The following DLG2 variants were observed in gnomAD, a reference collection of about 807,000 sequenced individuals.
The protein encoded by DLG2 is disks large homolog 2.
In DLG2, 45 loss-of-function variants were observed where a neutral mutation model predicts 132.5. That is an observed-to-expected ratio of 0.34 (90% CI 0.27 to 0.44). The LOEUF (loss-of-function observed/expected upper bound fraction) is 0.44, where lower values mean the gene tolerates loss of function less well. DLG2 is among the 20% of genes least tolerant of loss of function. DLG2 has a pLI of 1.00. For synonymous variants in DLG2, 424 were observed against 419.6 expected (o/e 1.01, Z -0.13); for missense variants, 1,045 against 1,196.9 (o/e 0.87, Z 1.87).
intron 7 of DLG2, among the ~76,000 whole-genome samples, chr11:84,277,533 A>T (rs973182709): frequency 6.6e-6 from 1 of 152,204 alleles, no homozygotes; most frequent in African/African-American, 2.4e-5. Context: ...AATGAACATA[A>T]ACTACAATAT....
At chr11:84,502,402 CTT>C (rs1274064364) in intron 7 of DLG2, among the ~76,000 whole-genome samples, 163 of 96,642 alleles carry the variant, frequency 1.7e-3, no homozygotes, top group South Asian at 5.0e-3. Context: ...TTCTTTCTTT[CTT>C]TCTTTCTTTC....
At chr11:84,299,073 A>C (rs1470205946) in intron 7 of DLG2, among the ~76,000 whole-genome samples, 1 of 152,244 alleles carries the variant, frequency 6.6e-6, no homozygotes, top group African/African-American at 2.4e-5. Flanking sequence ...CACATATTTT[A>C]CCAGTCTCTT....
intron 4 of DLG2, among the ~76,000 whole-genome samples, chr11:85,174,925 T>G (rs1206228393): frequency 1.3e-5 from 2 of 151,774 alleles, no homozygotes; most frequent in Non-Finnish European, 2.9e-5. Flanking sequence ...GGGCAAAAAT[T>G]AAAGCCCTGA....
chr11:84,401,479 G>A (rs1051687508), intron 7 of DLG2, among the ~76,000 whole-genome samples: 1 of 151,966 alleles, frequency 6.6e-6, no homozygotes, highest in Non-Finnish European at 1.5e-5. Flanking sequence ...TGCCTAACGT[G>A]GTAGGCACTC....
chr11:85,540,663 G>A (rs562994903), intron 3 of DLG2, among the ~76,000 whole-genome samples: 11 of 152,202 alleles, frequency 7.2e-5, no homozygotes, highest in African/African-American at 1.4e-4. Flanking sequence ...CTAATTGGGC[G>A]GATTAACACA....
At chr11:83,535,049 C>G (rs1007317493) in intron 20 of DLG2, among the ~76,000 whole-genome samples, 1 of 152,192 alleles carries the variant, frequency 6.6e-6, no homozygotes, top group African/African-American at 2.4e-5. Flanking sequence ...GAAAGCAAGA[C>G]AGATTTCAGA....
At position 83,855,834 on chromosome 11, in the gene DLG2, C is replaced by CA. The variant is rs993593291; in HGVS notation, c.1565+18585dup. Among the ~76,000 whole-genome samples the CA allele has an allele frequency of 1.6e-3, 228 of 142,384 alleles. 1 individual carries two copies. The highest frequency in any genetic ancestry group is 4.4e-3 in the African/African-American group (172 of 38,790). 93.4% of individuals were successfully genotyped at this position (142,384 alleles called of 152,430 possible). A position where few individuals can be genotyped will look rare whatever the true frequency, so the allele number is the denominator to read the frequency against. ...CACCTGGGTGACAGAGACTCTGTCT[C>CA]AAAAAAAAAAAATTTTCAGGGATAC... On this transcript the variant is annotated intron_variant, in intron 16 of 27. Coordinates refer to ENST00000376104, the MANE Select transcript of DLG2 (RefSeq NM_001142699.3).
intron 9 of DLG2, among the ~76,000 whole-genome samples, chr11:84,151,457 G>T (rs1224910273): frequency 6.6e-6 from 1 of 151,832 alleles, no homozygotes; most frequent in Non-Finnish European, 1.5e-5. Context: ...TCTTATTCTG[G>T]CTAGTGGTCT....
chr11:85,233,155 T>C (rs965657163), intron 4 of DLG2, among the ~76,000 whole-genome samples: 3 of 151,968 alleles, frequency 2.0e-5, no homozygotes, highest in Non-Finnish European at 4.4e-5. Context: ...CCTTTTGTTC[T>C]GACATATGGG....
intron 6 of DLG2, among the ~76,000 whole-genome samples, chr11:84,627,954 C>T (rs980259853): frequency 3.3e-5 from 5 of 152,002 alleles, no homozygotes; most frequent in African/African-American, 1.2e-4. Flanking sequence ...GCCCCACCTC[C>T]AACATAGGGG....
intron 11 of DLG2, among the ~76,000 whole-genome samples, chr11:84,013,756 A>C (rs2095018982): frequency 6.6e-6 from 1 of 151,018 alleles, no homozygotes; most frequent in African/African-American, 2.4e-5. Flanking sequence ...AATTCCAGCT[A>C]CTTGGGAGGC....
chr11:84,886,527 G>T (rs1396760744), intron 6 of DLG2, among the ~76,000 whole-genome samples: 1 of 152,100 alleles, frequency 6.6e-6, no homozygotes, highest in Admixed American at 6.6e-5. Flanking sequence ...TGGCACCACT[G>T]TCAGGTTTGA....
At chr11:83,718,532 G>GAAAAAAAAAAAAAAAAAAAAAAA (rs57237354) in intron 18 of DLG2, among the ~76,000 whole-genome samples, 4 of 106,286 alleles carry the variant, frequency 3.8e-5, no homozygotes, top group East Asian at 2.9e-4. Context: ...CTCAAAAAAA[G>GAAAAAAAAAAAAAAAAAAAAAAA]AAAAAAAAAA....
intron 7 of DLG2, among the ~76,000 whole-genome samples, chr11:84,485,324 A>G (rs1211193267): frequency 6.6e-6 from 1 of 152,222 alleles, no homozygotes; most frequent in Non-Finnish European, 1.5e-5. Context: ...GAGACTAAAT[A>G]ACATAATTCC....
At chr11:84,006,619 T>C (rs1296149714) in intron 11 of DLG2, among the ~76,000 whole-genome samples, 2 of 151,616 alleles carry the variant, frequency 1.3e-5, no homozygotes, top group Non-Finnish European at 3.0e-5. Flanking sequence ...ATTCTATGCA[T>C]GTAACAAAAT....
At position 84,955,463 on chromosome 11, in the gene DLG2, C is replaced by T. The variant is rs550595211; in HGVS notation, c.357+156198G>A. 8.5e-5 allele frequency: 13 copies of T among 152,208 alleles called. No homozygotes were observed. The East Asian group carries it at 1.4e-3, about 16-fold the overall frequency. 9.4% of individuals were successfully genotyped at this position (152,208 alleles called of 1,614,324 possible). ...TGTGCTCTTAATCATATTTTATAGCCTCACAATAAATTAGAATAAATTAAC... is the reference window on the plus strand; with the variant it reads ...TGTGCTCTTAATCATATTTTATAGCTTCACAATAAATTAGAATAAATTAAC... On this transcript the variant is annotated intron_variant, in intron 6 of 27. Transcript: ENST00000376104.
chr11:84,196,542 C>T (rs991533058), intron 8 of DLG2, among the ~76,000 whole-genome samples: 6 of 152,122 alleles, frequency 3.9e-5, no homozygotes, highest in African/African-American at 1.2e-4. Flanking sequence ...ATTTCCTAGT[C>T]AGTTTTCAGA....
At chr11:84,020,735 G>T (rs2095366074) in intron 11 of DLG2, among the ~76,000 whole-genome samples, 1 of 152,126 alleles carries the variant, frequency 6.6e-6, no homozygotes, top group South Asian at 2.1e-4. Flanking sequence ...ATTGCTATCT[G>T]CATAGCCCCT....
chr11:85,400,116 G>A (rs1447339057), intron 3 of DLG2, among the ~76,000 whole-genome samples: 1 of 152,100 alleles, frequency 6.6e-6, no homozygotes, highest in African/African-American at 2.4e-5. Context: ...CAAAAAGTGG[G>A]CAAACGATAG....
Sources: gnomAD v4.1 joint callset for allele counts (sites outside exome capture counted in the v4.1 genomes callset) on GRCh38, gnomAD v4.1.1 for gene constraint, MANE v1.5 for transcripts, NCBI Gene and HGNC (gene_info 2026-07-23, HGNC 2026-07-21) for gene names.